Variants in NEGR1 observed in about 807,000 individuals in gnomAD.
NEGR1 encodes IgLON family member 4.
A neutral mutation model predicts 40.9 loss-of-function variants in NEGR1; 10 were observed. The ratio of observed to expected loss-of-function variants is 0.24; its 90% CI spans 0.15 to 0.42. NEGR1 has a LOEUF of 0.42. NEGR1 is among the 10% of genes least tolerant of loss of function. NEGR1 has a pLI of 1.00. For missense variants in NEGR1, 352 were observed against 438.9 expected, an observed-to-expected ratio of 0.80 and a Z score of 1.77; for synonymous variants, 185 against 166.8, an observed-to-expected ratio of 1.11 and a Z score of -0.84.
At chr1:72,176,887 G>T (rs947273279) in intron 1 of NEGR1, among the ~76,000 whole-genome samples, 1 of 151,972 alleles carries the variant, frequency 6.6e-6, no homozygotes, top group African/African-American at 2.4e-5. Flanking sequence ...CAAAATAGGA[G>T]CTGGATTTCA....
At chr1:72,105,823 G>T (rs1001942276) in intron 1 of NEGR1, among the ~76,000 whole-genome samples, 2 of 152,014 alleles carry the variant, frequency 1.3e-5, no homozygotes, top group African/African-American at 2.4e-5. Context: ...AAGTTTATAT[G>T]AAAGGTCTTT....
intron 1 of NEGR1, among the ~76,000 whole-genome samples, chr1:72,124,615 T>C (rs570370333): frequency 1.3e-5 from 2 of 152,170 alleles, no homozygotes; most frequent in East Asian, 1.9e-4. Context: ...GATACCTGTA[T>C]AAAGATAAAA....
chr1:71,667,120 C>T (rs1255915235), intron 4 of NEGR1, among the ~76,000 whole-genome samples: 6 of 152,230 alleles, frequency 3.9e-5, no homozygotes, highest in South Asian at 4.1e-4. Context: ...CCATGTTACA[C>T]GTGCCCTAAC....
At chr1:71,633,791 C>A (rs991496838) in intron 4 of NEGR1, among the ~76,000 whole-genome samples, 6 of 152,058 alleles carry the variant, frequency 3.9e-5, no homozygotes, top group African/African-American at 1.4e-4. Flanking sequence ...CAGGATATAA[C>A]CATGTTCTCA....
chr1:72,040,362 G>A (rs1398814162), intron 1 of NEGR1, among the ~76,000 whole-genome samples: 1 of 151,598 alleles, frequency 6.6e-6, no homozygotes, highest in Admixed American at 6.6e-5. Flanking sequence ...CACATAGAAT[G>A]AACCATTCTA....
chr1:71,841,092 C>T (rs1402849354), intron 2 of NEGR1, among the ~76,000 whole-genome samples: 1 of 151,996 alleles, frequency 6.6e-6, no homozygotes. Context: ...ATATACACAT[C>T]CTATTAGTTC....
intron 2 of NEGR1, among the ~76,000 whole-genome samples, chr1:71,844,588 T>G (rs570232863): frequency 1.3e-5 from 2 of 152,304 alleles, no homozygotes; most frequent in East Asian, 3.9e-4. Flanking sequence ...ATGGAAGCTG[T>G]CCTTGACCCG....
At chr1:72,197,431 CTG>C (rs1168811741) in intron 1 of NEGR1, among the ~76,000 whole-genome samples, 1 of 151,892 alleles carries the variant, frequency 6.6e-6, no homozygotes, top group Non-Finnish European at 1.5e-5. Flanking sequence ...GCAAAAATAA[CTG>C]TTTTAGTCTA....
At chr1:71,737,770 C>T (rs1655085637) in intron 3 of NEGR1, among the ~76,000 whole-genome samples, 1 of 152,102 alleles carries the variant, frequency 6.6e-6, no homozygotes, top group Non-Finnish European at 1.5e-5. Context: ...TAGCTAATTT[C>T]CTTACATTGC....
At chr1:71,929,895 G>A (rs971017766) in intron 2 of NEGR1, among the ~76,000 whole-genome samples, 2 of 151,942 alleles carry the variant, frequency 1.3e-5, no homozygotes, top group Admixed American at 6.6e-5. Flanking sequence ...TTAACATTAG[G>A]CAAAGATGTG....
chr1:71,698,299 C>T (rs1012489096), intron 3 of NEGR1, among the ~76,000 whole-genome samples, 160 bp from the exon 4 acceptor site: 3 of 151,782 alleles, frequency 2.0e-5, no homozygotes, highest in African/African-American at 7.2e-5. Flanking sequence ...CAGAGGAAAA[C>T]TCAGAGAAAA....
chr1:71,658,002 T>C (rs1403747164), intron 4 of NEGR1, among the ~76,000 whole-genome samples: 1 of 152,232 alleles, frequency 6.6e-6, no homozygotes, highest in African/African-American at 2.4e-5. Flanking sequence ...CTCTGCCAAA[T>C]GACTTATCTT....
At chr1:72,066,767 C>T (rs919385537) in intron 1 of NEGR1, among the ~76,000 whole-genome samples, 7 of 152,154 alleles carry the variant, frequency 4.6e-5, no homozygotes, top group South Asian at 2.1e-4. Flanking sequence ...TCCAGAACTA[C>T]GAGAAAATAA....
At chr1:72,092,125 G>A (rs190664036) in intron 1 of NEGR1, among the ~76,000 whole-genome samples, 102 of 152,162 alleles carry the variant, frequency 6.7e-4, no homozygotes, top group Middle Eastern at 3.4e-3. Context: ...TGGTGGGGTG[G>A]GTGGGTTCTC....
intron 6 of NEGR1, among the ~76,000 whole-genome samples, chr1:71,500,510 T>A (rs1350219387): frequency 1.3e-5 from 2 of 152,112 alleles, no homozygotes; most frequent in Admixed American, 1.3e-4. Flanking sequence ...CTTCTTTGCC[T>A]GTGTAAACCT....
intron 6 of NEGR1, among the ~76,000 whole-genome samples, chr1:71,591,481 T>C (rs190345622): frequency 1.8e-4 from 27 of 152,326 alleles, no homozygotes; most frequent in Admixed American, 1.5e-3. Context: ...TGTTAATTCA[T>C]TTATTCTTTC....
chr1:71,789,590 A>G (rs1657037875), intron 2 of NEGR1, among the ~76,000 whole-genome samples: 1 of 152,110 alleles, frequency 6.6e-6, no homozygotes, highest in African/African-American at 2.4e-5. Flanking sequence ...GCTTCTCTCA[A>G]GTACTAAGTG....
chr1:71,997,664 C>T (rs1441866293), intron 1 of NEGR1, among the ~76,000 whole-genome samples: 2 of 151,790 alleles, frequency 1.3e-5, no homozygotes, highest in African/African-American at 2.4e-5. Context: ...ACTAAGACTC[C>T]AATAAATATT....
chr1:71,624,703 G>A (rs1158407024), intron 4 of NEGR1, among the ~76,000 whole-genome samples: 2 of 151,846 alleles, frequency 1.3e-5, no homozygotes, highest in Admixed American at 6.6e-5. Flanking sequence ...GACATGTCGT[G>A]CTTACATCCT....
Sources: allele counts gnomAD v4.1 joint callset (sites outside exome capture counted in the v4.1 genomes callset), GRCh38; gene constraint gnomAD v4.1.1; transcripts MANE v1.5; gene names NCBI Gene and HGNC (gene_info 2026-07-23, HGNC 2026-07-21).